Variants in TPD52 observed in about 807,000 individuals in gnomAD.
TPD52 encodes the protein tumor protein D52, also known as prostate and colon associated protein.
In TPD52, 17 loss-of-function variants were observed where a neutral mutation model predicts 31.3. The ratio of observed to expected loss-of-function variants is 0.54; its 90% CI spans 0.37 to 0.82. The LOEUF (loss-of-function observed/expected upper bound fraction) is 0.82, where lower values mean the gene tolerates loss of function less well. TPD52 is among the 40% of genes least tolerant of loss of function. The pLI is 0.00. For missense variants in TPD52, 212 were observed against 240.1 expected, an observed-to-expected ratio of 0.88 and a Z score of 0.77; for synonymous variants, 83 against 89.6, an observed-to-expected ratio of 0.93 and a Z score of 0.42.
At chr8:80,117,983 C>T (rs1220419925) in intron 1 of TPD52, among the ~76,000 whole-genome samples, 2 of 152,050 alleles carry the variant, frequency 1.3e-5, no homozygotes, top group African/African-American at 4.8e-5. Context: ...CCGCCCACCT[C>T]AGCCTCCCAA....
At position 80,094,428 on chromosome 8, in the gene TPD52, TTTTATATATATA is replaced by T. The variant is rs1247205789; in HGVS notation, c.20-29847_20-29836del. On this transcript the variant is annotated intron_variant, in intron 1 of 7. Coordinates refer to ENST00000518937, the MANE Select transcript of TPD52 (RefSeq NM_001025253.3). ...TGACTAAGTTCTAGACAAAAGAAAATTTTATATATATATATATATATATATATATATATATAT... is the reference window on the plus strand; with the variant it reads ...TGACTAAGTTCTAGACAAAAGAAAATTATATATATATATATATATATATAT... Among the ~76,000 whole-genome samples, 112 of 69,118 alleles carry T rather than the reference TTTTATATATATA, an allele frequency of 1.6e-3. 1 individual carries two copies. The highest frequency in any genetic ancestry group is 3.9e-3 in the Admixed American group (18 of 4,572). The allele number at this position is 69,118 out of a possible 152,430, so 45.3% of individuals were successfully genotyped here.
chr8:80,032,248 A>G (rs923792726), downstream of TPD52, among the ~76,000 whole-genome samples: 6 of 152,122 alleles, frequency 3.9e-5, no homozygotes, highest in South Asian at 1.2e-3. Flanking sequence ...AGAAGCATCA[A>G]ATGAGAGGGA....
intron 1 of TPD52, among the ~76,000 whole-genome samples, chr8:80,135,718 A>G (rs1235594239): frequency 6.7e-6 from 1 of 149,906 alleles, no homozygotes; most frequent in Admixed American, 6.7e-5. Flanking sequence ...AATAGTAAAG[A>G]CTTGGAACCA....
chr8:80,077,532 T>C (rs760433101), intron 1 of TPD52, among the ~76,000 whole-genome samples: 2 of 152,182 alleles, frequency 1.3e-5, no homozygotes, highest in Non-Finnish European at 1.5e-5. Context: ...ATAGTTAATC[T>C]GTTCTATAAT....
At chr8:80,118,204 A>G (rs1489594997) in intron 1 of TPD52, among the ~76,000 whole-genome samples, 2 of 152,230 alleles carry the variant, frequency 1.3e-5, no homozygotes, top group Non-Finnish European at 2.9e-5. Context: ...ACAGTCTGAC[A>G]TGGAAAAATA....
chr8:80,112,267 T>G (rs1563634810), intron 1 of TPD52, among the ~76,000 whole-genome samples: 1 of 152,248 alleles, frequency 6.6e-6, no homozygotes, highest in African/African-American at 2.4e-5. Flanking sequence ...AATAATTCTA[T>G]GAAGTAGATA....
Position 80,161,056 on chromosome 8 carries a change from G to C in TPD52, c.19+10369C>G, listed in dbSNP as rs187779578. On this transcript the variant is annotated intron_variant, in intron 1 of 7. Coordinates refer to ENST00000518937, the MANE Select transcript of TPD52 (RefSeq NM_001025253.3). ...CACTCCAGCCTGGGCAACAGAGCGA[G>C]ACTCTGTCTCAAAAAAAAGAAAAAG... 2.2e-4 allele frequency among the ~76,000 whole-genome samples: 33 copies of C among 152,148 alleles called. No individual in the cohort carries two copies. In the East Asian group the frequency reaches 6.0e-3, roughly 28 times the overall value.
chr8:80,082,035 T>C (rs904461444), intron 1 of TPD52, among the ~76,000 whole-genome samples: 1 of 152,166 alleles, frequency 6.6e-6, no homozygotes, highest in African/African-American at 2.4e-5. Flanking sequence ...CTCAAACTCC[T>C]GACCTCAGGT....
chr8:80,062,660 C>A (rs1246034065), intron 2 of TPD52, among the ~76,000 whole-genome samples: 1 of 152,024 alleles, frequency 6.6e-6, no homozygotes, highest in East Asian at 1.9e-4. Context: ...TTTGGTGCTT[C>A]CCAAAAAAAC....
At position 80,072,317 on chromosome 8, in the gene TPD52, A is replaced by ATATGTGTGTGTGTGTG. The variant is rs1554582865; in HGVS notation, c.20-7725_20-7724insCACACACACACACATA. Among the ~76,000 whole-genome samples the ATATGTGTGTGTGTGTG allele has an allele frequency of 2.8e-4, 34 of 121,342 alleles. 1 individual carries two copies. Among genetic ancestry groups the ATATGTGTGTGTGTGTG allele is most frequent in the African/African-American group, 9.5e-4 (26 of 27,430 alleles). The allele number at this position is 121,342 out of a possible 152,430, so 79.6% of individuals were successfully genotyped here. A position where few individuals can be genotyped will look rare whatever the true frequency, so the allele number is the denominator to read the frequency against. ...GAGAGACTCCATCTAAAAAACATAT[A>ATATGTGTGTGTGTGTG]TGTGTGTGTGTGTGTGTGTGTGTGT... is the stretch of plus-strand genomic sequence containing the variant. On this transcript the variant is annotated intron_variant, in intron 1 of 7. Transcript: ENST00000518937.
chr8:80,096,161 T>C (rs1243840971), intron 1 of TPD52, among the ~76,000 whole-genome samples: 2 of 152,034 alleles, frequency 1.3e-5, no homozygotes, highest in Admixed American at 6.6e-5. Flanking sequence ...GAGGTTGAAG[T>C]GGGAGGATTG....
At chr8:80,154,945 T>TG in intron 1 of TPD52, among the ~76,000 whole-genome samples, 3 of 151,420 alleles carry the variant, frequency 2.0e-5, no homozygotes, top group African/African-American at 7.3e-5. Flanking sequence ...AATTGTTTTT[T>TG]GGGGTTGTTT....
chr8:80,110,456 CAG>C (rs935963408), intron 1 of TPD52, among the ~76,000 whole-genome samples: 4 of 151,926 alleles, frequency 2.6e-5, no homozygotes, highest in Admixed American at 6.6e-5. Context: ...ATGATGGTGA[CAG>C]AGAGTGGCAC....
chr8:80,088,350 T>C (rs1815980720), intron 1 of TPD52, among the ~76,000 whole-genome samples: 1 of 152,184 alleles, frequency 6.6e-6, no homozygotes, highest in Non-Finnish European at 1.5e-5. Context: ...TTTCGTCAGA[T>C]TAAAGCAACA....
intron 5 of TPD52, among the ~76,000 whole-genome samples, chr8:80,047,106 G>T (rs1810937694): frequency 6.6e-6 from 1 of 152,082 alleles, no homozygotes; most frequent in South Asian, 2.1e-4. Context: ...TCAAAGTGCT[G>T]GACAGTGCCT....
At chr8:80,039,287 C>T (rs1018091000) in intron 7 of TPD52, among the ~76,000 whole-genome samples, 1 of 152,198 alleles carries the variant, frequency 6.6e-6, no homozygotes, top group Non-Finnish European at 1.5e-5. Flanking sequence ...AACTGAACTC[C>T]TTCCCCCGAC....
chr8:80,103,817 A>T (rs1806912621), intron 1 of TPD52, among the ~76,000 whole-genome samples: 1 of 152,224 alleles, frequency 6.6e-6, no homozygotes, highest in African/African-American at 2.4e-5. Context: ...GACAAAAACC[A>T]AACTGGGTTA....
intron 1 of TPD52, among the ~76,000 whole-genome samples, chr8:80,128,392 T>C (rs977662778): frequency 4.7e-5 from 7 of 149,720 alleles, no homozygotes; most frequent in South Asian, 2.1e-4. Flanking sequence ...CAGTGGCTCA[T>C]GCGTATAATC....
intron 1 of TPD52, among the ~76,000 whole-genome samples, chr8:80,117,647 C>T (rs1409311760): frequency 6.6e-6 from 1 of 151,844 alleles, no homozygotes; most frequent in Non-Finnish European, 1.5e-5. Flanking sequence ...CTAAAATTCT[C>T]ACAGAAATTC....
Sources: allele counts gnomAD v4.1 joint callset (sites outside exome capture counted in the v4.1 genomes callset), GRCh38; gene constraint gnomAD v4.1.1; transcripts MANE v1.5; gene names NCBI Gene and HGNC (gene_info 2026-07-23, HGNC 2026-07-21).